Variants in NKPD1 observed in about 807,000 individuals in gnomAD.
NKPD1 encodes the protein NTPase KAP family P-loop domain containing 1.
Under a neutral mutation model 42.2 loss-of-function variants are expected in NKPD1, and 37 were observed. The observed-to-expected ratio is 0.88, with a 90% CI of 0.67 to 1.15. NKPD1 has a LOEUF of 1.15. NKPD1 is among the 50% of genes most tolerant of loss of function. The pLI is 0.00. For synonymous variants in NKPD1, 552 were observed against 536.5 expected, an observed-to-expected ratio of 1.03 and a Z score of -0.40; for missense variants, 1,113 against 1,174.6, an observed-to-expected ratio of 0.95 and a Z score of 0.77.
chr19:45,152,962 A>G lies in NKPD1; in HGVS notation c.1475T>C (p.Val492Ala). 2 of 1,585,640 alleles carry G rather than the reference A, an allele frequency of 1.3e-6. No individual in the cohort carries two copies. Among genetic ancestry groups the G allele is most frequent in the Non-Finnish European group, 1.7e-6 (2 of 1,164,996 alleles). ...DSHAPFIFIL[V>A]VDPSILAACL... ...CGCGGCCAGGATGCTGGGGTCCACGACCAGGATGAAGATGAAGGGCGCGTG... is the reference window on the plus strand; with the variant it reads ...CGCGGCCAGGATGCTGGGGTCCACGGCCAGGATGAAGATGAAGGGCGCGTG... Residue 492 changes from valine (V) to alanine (A), a missense_variant, in exon 5 of 5, where the codon GTC becomes GCC. Val to Ala is a moderately conservative substitution (Grantham distance 64). Transcript: ENST00000686631.
In NKPD1 at chr19:45,152,722, T is replaced by C. The variant is rs1339440995; in HGVS notation, c.1715A>G (p.Gln572Arg). 5.1e-5 allele frequency: 80 copies of C among 1,571,660 alleles called. No homozygotes were observed. Among genetic ancestry groups the C allele is most frequent in the Non-Finnish European group, 6.6e-5 (77 of 1,163,080 alleles). ...CGCCTGCGCCTGCACCGCCAGCAGC[T>C]GCGCGCTCTCGCCCCCGGCGTCCCC... The part of the protein sequence containing the change: ...LPGDAGGESA[Q>R]LLAVQAQAGT... Residue 572 changes from glutamine (Q) to arginine (R), a missense_variant, in exon 5 of 5, where the codon CAG becomes CGG. This residue lies in a region of NKPD1 where 867 missense variants were observed against 870.1 expected (regional missense o/e 1.00). Transcript: ENST00000686631.
chr19:45,157,818 G>A (rs368360024), intron 3 of NKPD1, among the ~76,000 whole-genome samples: 7 of 146,160 alleles, frequency 4.8e-5, no homozygotes, highest in African/African-American at 1.0e-4. Flanking sequence ...TCTACCTCCC[G>A]GTTTCAAGTG....
chr19:45,159,213 G>A, intron 2 of NKPD1, 113 bp from the exon 3 acceptor site: 2 of 1,063,478 alleles, frequency 1.9e-6, no homozygotes, highest in Non-Finnish European at 2.4e-6. Context: ...ATTCTTGGGA[G>A]CCCCAGAAAC....
In NKPD1 at chr19:45,152,651, G is replaced by T; in HGVS notation, c.1786C>A (p.Arg596=). 1 of 1,550,436 alleles carries T rather than the reference G, an allele frequency of 6.4e-7. No individual in the cohort carries two copies. The highest frequency in any genetic ancestry group is 8.6e-7 in the Non-Finnish European group (1 of 1,157,212). ...AGGCAGAAGAGCGCCTCCTGGATTC[G>T]CCGCGCCGCCTCGTCGTCGATGCGG... ...QGRIDDEAAR[R]IQEALFCLHD... The change falls in exon 5 of 5, where the codon CGA becomes AGA. Residue 596 remains arginine (R), a synonymous_variant. Transcript: ENST00000686631.
At position 45,152,732 on chromosome 19, in the gene NKPD1, C is replaced by A; in HGVS notation, c.1705G>T (p.Glu569Ter). 6.3e-7 allele frequency: 1 copy of A among 1,583,896 alleles called. No individual in the cohort carries two copies. The highest frequency in any genetic ancestry group is 8.6e-7 in the Non-Finnish European group (1 of 1,168,140). Residue 569 changes from glutamate to a stop codon, truncating the protein, a stop_gained, in exon 5 of 5, where the codon GAG (glutamate) becomes TAG (stop). Coordinates refer to ENST00000686631, the MANE Select transcript of NKPD1 (RefSeq NM_198478.4). LOFTEE classifies it low-confidence loss of function (END_TRUNC). Reference protein sequence around the residue: ...KPWLPGDAGGESAQLLAVQAQ... With the variant: ...KPWLPGDAGG The stretch of plus-strand genomic sequence containing the variant: ...TGCACCGCCAGCAGCTGCGCGCTCT[C>A]GCCCCCGGCGTCCCCCGGCAGCCAC...
In NKPD1 at chr19:45,158,976, G is replaced by A. The variant is rs1968957068; in HGVS notation, c.216C>T (p.Arg72=). 7.7e-7 allele frequency: 1 copy of A among 1,300,618 alleles called. No homozygotes were observed. Among genetic ancestry groups the A allele is most frequent in the Non-Finnish European group, 1.0e-6 (1 of 988,166 alleles). The allele number at this position is 1,300,618 out of a possible 1,614,324, so 80.6% of individuals were successfully genotyped here. A position where few individuals can be genotyped will look rare whatever the true frequency, so the allele number is the denominator to read the frequency against. ...HSHQVGGSGW[R]RGLLPSVLQQ... Reference sequence around the variant, plus strand: ...GCAGGACGGAGGGCAGGAGGCCCCGGCGCCAGCCACTGCCACCCACTTGGT... The same window carrying A: ...GCAGGACGGAGGGCAGGAGGCCCCGACGCCAGCCACTGCCACCCACTTGGT... The change falls in exon 3 of 5, where the codon CGC becomes CGT. Residue 72 remains arginine (R), a synonymous_variant. Transcript: ENST00000686631. This position sits in a 1 kb window ranked among gnomAD's most constrained non-coding sequence, Gnocchi z 4.6.
intron 4 of NKPD1, 66 bp from the exon 5 acceptor site, chr19:45,153,841 G>A: frequency 1.4e-6 from 2 of 1,387,042 alleles, no homozygotes; most frequent in African/African-American, 3.0e-5. Flanking sequence ...GGCCTAGTAC[G>A]GGCAGGGCGG....
chr19:45,159,059 C>T lies in NKPD1; in HGVS notation c.133G>A (p.Ala45Thr), dbSNP rs1968959393. 1 of 1,298,808 alleles carries T rather than the reference C, an allele frequency of 7.7e-7. No homozygotes were observed. The highest frequency in any genetic ancestry group is 1.0e-6 in the Non-Finnish European group (1 of 987,606). The allele number at this position is 1,298,808 out of a possible 1,614,324, so 80.5% of individuals were successfully genotyped here. A position where few individuals can be genotyped will look rare whatever the true frequency, so the allele number is the denominator to read the frequency against. ...QWRQDSAALR[A>T]HGPCRPSPQS... Reference sequence around the variant, plus strand: ...GGGGAAGGCCGACAGGGCCCATGGGCTCGGAGGGCCGCTGAGTCCTGGCGC... The same window carrying T: ...GGGGAAGGCCGACAGGGCCCATGGGTTCGGAGGGCCGCTGAGTCCTGGCGC... Residue 45 changes from alanine (A) to threonine (T), a missense_variant, in exon 3 of 5, where the codon GCC (alanine) becomes ACC (threonine). Ala to Thr is a moderately conservative substitution (Grantham distance 58). Coordinates refer to ENST00000686631, the MANE Select transcript of NKPD1 (RefSeq NM_198478.4).
intron 2 of NKPD1, among the ~76,000 whole-genome samples, 198 bp downstream of exon 2, chr19:45,159,862 A>T (rs1968974264): frequency 6.6e-6 from 1 of 152,208 alleles, no homozygotes; most frequent in African/African-American, 2.4e-5. Context: ...ACTCCAGCCC[A>T]GGCTCCTATC....
At position 45,153,553 on chromosome 19, in the gene NKPD1, C is replaced by G. The variant is rs866039868; in HGVS notation, c.884G>C (p.Gly295Ala). 6.4e-7 allele frequency: 1 copy of G among 1,552,102 alleles called. No individual in the cohort carries two copies. The highest frequency in any genetic ancestry group is 1.9e-5 in the Admixed American group (1 of 52,952). ...GCCCTCGCACAACGTGGTCACCAGG[C>G]CGGCCCACAGCTTGTCGGTGCCCGC... ...QYAGTDKLWA[G>A]LVTTLCEGIR... The change falls in exon 5 of 5, where the codon GGC becomes GCC. Residue 295 changes from glycine (G) to alanine (A), a missense_variant. Around this residue, in one of 3 missense-constraint regions of NKPD1, gnomAD observed 867 missense variants for 870.1 expected, o/e 1.00. Coordinates refer to ENST00000686631, the MANE Select transcript of NKPD1 (RefSeq NM_198478.4).
upstream of NKPD1, among the ~76,000 whole-genome samples, chr19:45,162,466 C>T (rs1490504557): frequency 2.0e-5 from 3 of 152,140 alleles, no homozygotes; most frequent in African/African-American, 4.8e-5. Flanking sequence ...CAGCGGGCGG[C>T]GAAGCCCAGG....
At position 45,153,587 on chromosome 19, in the gene NKPD1, A is replaced by T; in HGVS notation, c.850T>A (p.Trp284Arg). The T allele has an allele frequency of 6.4e-7, 1 of 1,566,058 alleles. No individual in the cohort carries two copies. Among genetic ancestry groups the T allele is most frequent in the Non-Finnish European group, 8.7e-7 (1 of 1,152,914 alleles). ...VQFLFIRFSA[W>R]QYAGTDKLWA... ...AGCTTGTCGGTGCCCGCGTACTGCC[A>T]GGCGCTAAAGCGGATGAAAAGGAAC... Residue 284 changes from tryptophan to arginine, a missense_variant, in exon 5 of 5, where the codon TGG becomes AGG. Trp to Arg is a moderately radical substitution (Grantham distance 101). Around this residue, in one of 3 missense-constraint regions of NKPD1, gnomAD observed 867 missense variants for 870.1 expected, o/e 1.00. Coordinates refer to ENST00000686631, the MANE Select transcript of NKPD1 (RefSeq NM_198478.4).
intron 4 of NKPD1, among the ~76,000 whole-genome samples, chr19:45,155,512 A>G (rs1479353385): frequency 1.3e-5 from 2 of 152,230 alleles, no homozygotes; most frequent in Admixed American, 1.3e-4. Context: ...GGGAGCATGG[A>G]AGGCACCAAG....
chr19:45,152,300 CGA>C lies in NKPD1; in HGVS notation c.2135_2136del (p.Leu712ArgfsTer142). On this transcript the variant is annotated frameshift_variant, in exon 5 of 5. Transcript: ENST00000686631. LOFTEE classifies it low-confidence loss of function (END_TRUNC). ...AAGAGCTCGGGGTCGCCGTCCAGGTCGAGCACGTTCTGCAACGCCTTGGTCAT... is the reference window on the plus strand; with the variant it reads ...AAGAGCTCGGGGTCGCCGTCCAGGTCGCACGTTCTGCAACGCCTTGGTCAT... Reference protein sequence around the residue: ...HTMTKALQNVLDLDGDPELFE... With the variant: ...HTMTKALQNVXDLDGDPELFE... The C allele has an allele frequency of 6.2e-7, 1 of 1,610,838 alleles. No individual in the cohort carries two copies. Among genetic ancestry groups the C allele is most frequent in the Non-Finnish European group, 8.5e-7 (1 of 1,179,052 alleles).
chr19:45,159,135 G>A (rs1305830176), intron 2 of NKPD1, 35 bp from the exon 3 acceptor site: 1 of 1,249,496 alleles, frequency 8.0e-7, no homozygotes, highest in African/African-American at 1.6e-5. Context: ...CTGGGCCTGT[G>A]TCCCCGACCC....
At position 45,153,139 on chromosome 19, in the gene NKPD1, T is replaced by A. The variant is rs1381971075; in HGVS notation, c.1298A>T (p.Glu433Val). The change falls in exon 5 of 5, where the codon GAG becomes GTG. Residue 433 changes from glutamate to valine, a missense_variant. Around this residue, in one of 3 missense-constraint regions of NKPD1, gnomAD observed 867 missense variants for 870.1 expected, o/e 1.00. Transcript: ENST00000686631. ...QLGFMCEVKK[E>V]VELLTDFLCF... ...CAGGAAGTCGGTGAGCAGCTCCACC[T>A]CCTTCTTCACCTCGCACATGAAACC... 6.3e-7 allele frequency: 1 copy of A among 1,577,070 alleles called. No individual in the cohort carries two copies.
intron 4 of NKPD1, 132 bp downstream of exon 4, chr19:45,155,653 G>A (rs1968887584): frequency 1.1e-6 from 1 of 882,998 alleles, no homozygotes; most frequent in African/African-American, 1.8e-5. Context: ...GTAGAGGCAT[G>A]GGCTTGGGGA....
In NKPD1 at chr19:45,152,155, C is replaced by T. The variant is rs1234772465; in HGVS notation, c.2282G>A (p.Ser761Asn). The T allele has an allele frequency of 6.3e-7, 1 of 1,597,776 alleles. No homozygotes were observed. ...GGGCGGGCTGGGCGGCTTGAGCGCG[C>T]TGACGGCTCGGATGAGACCCATGCG... ...RRRMGLIRAV[S>N]ALKPPSPPKS... Residue 761 changes from serine (S) to asparagine (N), a missense_variant, in exon 5 of 5, where the codon AGC becomes AAC. Around this residue, in one of 3 missense-constraint regions of NKPD1, gnomAD observed 867 missense variants for 870.1 expected, o/e 1.00. Transcript: ENST00000686631.
In NKPD1 at chr19:45,155,843, G is replaced by A. The variant is rs1186154142; in HGVS notation, c.603C>T (p.Thr201=). 27 of 1,305,276 alleles carry A rather than the reference G, an allele frequency of 2.1e-5. No individual in the cohort carries two copies. Among genetic ancestry groups the A allele is most frequent in the Middle Eastern group, 2.1e-4 (1 of 4,718 alleles). 80.9% of individuals were successfully genotyped at this position (1,305,276 alleles called of 1,614,324 possible). ...AGCCGAAAGGGGCATAGAAACCCAC[G>A]GTCACAGGGACCGGCACGTGGCAGA... The part of the protein sequence containing the change: ...KTLCHVPVPV[T]VGFYAPFGCR... Residue 201 remains threonine, a synonymous_variant, in exon 4 of 5, where the codon ACC becomes ACT. Coordinates refer to ENST00000686631, the MANE Select transcript of NKPD1 (RefSeq NM_198478.4).
Sources: gnomAD v4.1 joint callset for allele counts (sites outside exome capture counted in the v4.1 genomes callset) on GRCh38, gnomAD v4.1.1 for gene constraint, gnomAD v4.1.1 regional missense constraint, Gnocchi (gnomAD v3.1) non-coding constraint, MANE v1.5 for transcripts, NCBI Gene and HGNC (gene_info 2026-07-23, HGNC 2026-07-21) for gene names.